Variants in IL26 observed in about 807,000 individuals in gnomAD.
The protein encoded by IL26 is interleukin-26.
A neutral mutation model predicts 21.7 loss-of-function variants in IL26; 23 were observed. The ratio of observed to expected loss-of-function variants is 1.06; its 90% CI spans 0.76 to 1.50. The LOEUF is 1.50. Ranked by LOEUF, IL26 falls within the 40% of genes most tolerant of loss-of-function variation. IL26 has a pLI of 0.00. For missense variants in IL26, 204 were observed against 196.0 expected (o/e 1.04, Z -0.24); for synonymous variants, 63 against 67.8 (o/e 0.93, Z 0.34).
intron 3 of IL26, among the ~76,000 whole-genome samples, chr12:68,214,884 GTTT>G (rs35904332): frequency 7.8e-4 from 112 of 144,410 alleles, no homozygotes; most frequent in African/African-American, 1.4e-3. Flanking sequence ...CCTGTTTTAT[GTTT>G]TTTTTTTTTT....
rs6144754 is a variant in IL26, at chr12:68,204,141, A to ATTTTTTTTTTTTTTTTTTT, written c.364-2077_364-2059dup. Among the ~76,000 whole-genome samples the ATTTTTTTTTTTTTTTTTTT allele has an allele frequency of 1.3e-3, 148 of 113,184 alleles. 4 individuals are homozygous for ATTTTTTTTTTTTTTTTTTT. The highest frequency in any genetic ancestry group is 4.5e-3 in the African/African-American group (130 of 28,830). The allele number at this position is 113,184 out of a possible 152,430, so 74.3% of individuals were successfully genotyped here. A position where few individuals can be genotyped will look rare whatever the true frequency, so the allele number is the denominator to read the frequency against. ...TAAAATCATGTGTTAGGATTCAAAG[A>ATTTTTTTTTTTTTTTTTTT]TTTTTTTTTTTTTTTTTTTTGAGGC... On this transcript the variant is annotated intron_variant, in intron 3 of 4. Transcript: ENST00000229134.
chr12:68,216,470 C>T (rs1868883063), intron 3 of IL26, among the ~76,000 whole-genome samples: 1 of 152,160 alleles, frequency 6.6e-6, no homozygotes, highest in South Asian at 2.1e-4. Flanking sequence ...GAAGCACTAA[C>T]AATTCTGCAG....
intron 3 of IL26, among the ~76,000 whole-genome samples, chr12:68,219,434 A>C (rs973239171): frequency 6.6e-6 from 1 of 151,912 alleles, no homozygotes; most frequent in African/African-American, 2.4e-5. Flanking sequence ...AATAACCCAT[A>C]TATAAAAGAA....
rs1242819751 is a variant in IL26, at chr12:68,202,017, C to A, written c.429+1G>T. 1 of 1,565,604 alleles carries A rather than the reference C, an allele frequency of 6.4e-7. No homozygotes were observed. The highest frequency in any genetic ancestry group is 8.7e-7 in the Non-Finnish European group (1 of 1,149,154). Reference sequence around the variant, plus strand: ...TTAATATAAGGATTTAGAATTCTTACCCTATAAAATATTCTTTTCATCCTG... The same window carrying A: ...TTAATATAAGGATTTAGAATTCTTAACCTATAAAATATTCTTTTCATCCTG... On this transcript the variant is annotated splice_donor_variant, in intron 4 of 4. Transcript: ENST00000229134. LOFTEE classifies it high-confidence loss of function.
chr12:68,206,908 G>T (rs1868559668), intron 3 of IL26, among the ~76,000 whole-genome samples: 1 of 152,138 alleles, frequency 6.6e-6, no homozygotes, highest in South Asian at 2.1e-4. Flanking sequence ...TAAGCCAAAT[G>T]TCTTTCTAAA....
At chr12:68,215,263 C>T (rs970960613) in intron 3 of IL26, among the ~76,000 whole-genome samples, 1 of 152,128 alleles carries the variant, frequency 6.6e-6, no homozygotes, top group Non-Finnish European at 1.5e-5. Flanking sequence ...ACCTCAATCC[C>T]ACGTTTTCCA....
intron 3 of IL26, among the ~76,000 whole-genome samples, chr12:68,217,221 A>C (rs1214303811): frequency 1.3e-5 from 2 of 152,224 alleles, no homozygotes; most frequent in African/African-American, 4.8e-5. Flanking sequence ...ATACAGTGGT[A>C]CTGGGAATTC....
chr12:68,225,407 G>A lies in IL26; in HGVS notation c.228+37C>T, dbSNP rs1869213307. ...GCAGGGGGAAATAAACATCAAATAA[G>A]TGGAAATGTAAAAAAGAAGAAGACT... On this transcript the variant is annotated intron_variant, in intron 2 of 4. Coordinates refer to ENST00000229134, the MANE Select transcript of IL26 (RefSeq NM_018402.2). 2.6e-6 allele frequency: 4 copies of A among 1,532,298 alleles called. No individual in the cohort carries two copies. In the East Asian group the frequency reaches 9.1e-5, roughly 35 times the overall value. 94.9% of individuals were successfully genotyped at this position (1,532,298 alleles called of 1,614,324 possible). A position where few individuals can be genotyped will look rare whatever the true frequency, so the allele number is the denominator to read the frequency against.
chr12:68,206,630 A>G (rs1018324336), intron 3 of IL26, among the ~76,000 whole-genome samples: 1 of 152,206 alleles, frequency 6.6e-6, no homozygotes, highest in Admixed American at 6.5e-5. Flanking sequence ...CTTTACAAAT[A>G]AGGGCAGTCC....
rs770587467 is a variant in IL26 at position 68,225,314 on chromosome 12, G to A, written c.229-31C>T. ...AATAAGATACAAGAAATTGCATATG[G>A]TAAATTATGAATCGTTTTTTAATGT... is the stretch of plus-strand genomic sequence containing the variant. On this transcript the variant is annotated intron_variant, in intron 2 of 4. Transcript: ENST00000229134. 3.8e-6 allele frequency: 6 copies of A among 1,592,470 alleles called. No homozygotes were observed. In the South Asian group the frequency reaches 5.7e-5, roughly 15 times the overall value.
chr12:68,205,018 G>A (rs1266136860), intron 3 of IL26, among the ~76,000 whole-genome samples: 1 of 152,174 alleles, frequency 6.6e-6, no homozygotes, highest in African/African-American at 2.4e-5. Context: ...ATGGCTGAAC[G>A]ATTTGACAAA....
chr12:68,212,376 G>T (rs1592897594), intron 3 of IL26, among the ~76,000 whole-genome samples: 1 of 151,858 alleles, frequency 6.6e-6, no homozygotes, highest in East Asian at 1.9e-4. Context: ...GGTCTTTTGT[G>T]GTTCTGTGGT....
chr12:68,225,246 A>C lies in IL26; in HGVS notation c.266T>G (p.Phe89Cys). The change falls in exon 3 of 5, where the codon TTC becomes TGC. Residue 89 changes from phenylalanine to cysteine, a missense_variant. Transcript: ENST00000229134. ...CAGTTGACCAAAAACGTCTTCCATG[A>C]AGAAGGACAGAAGCTGTTCTTGAAA... Reference protein sequence around the residue: ...CQFQEQLLSFFMEDVFGQLQL... With the variant: ...CQFQEQLLSFCMEDVFGQLQL... 13 of 1,613,528 alleles carry C rather than the reference A, an allele frequency of 8.1e-6. 1 individual carries two copies. The highest frequency in any genetic ancestry group is 1.1e-5 in the Non-Finnish European group (13 of 1,179,768).
intron 3 of IL26, among the ~76,000 whole-genome samples, chr12:68,214,444 T>C (rs1868816554): frequency 1.3e-5 from 2 of 152,364 alleles, no homozygotes; most frequent in Middle Eastern, 3.4e-3. Context: ...TGAAGTCCTC[T>C]GCTATTATTG....
intron 3 of IL26, among the ~76,000 whole-genome samples, chr12:68,215,565 G>A (rs1014888987): frequency 6.6e-6 from 1 of 152,124 alleles, no homozygotes; most frequent in African/African-American, 2.4e-5. Context: ...TTTTGACAGA[G>A]AAATTATGTA....
chr12:68,225,544 A>G (rs751667787), intron 1 of IL26, 42 bp downstream of exon 1: 36 of 1,608,480 alleles, frequency 2.2e-5, no homozygotes, highest in Non-Finnish European at 3.1e-5. Context: ...AAGATTGTAA[A>G]TGTCCTTGAG....
At chr12:68,218,317 T>A (rs1868948989) in intron 3 of IL26, among the ~76,000 whole-genome samples, 1 of 152,098 alleles carries the variant, frequency 6.6e-6, no homozygotes, top group Non-Finnish European at 1.5e-5. Context: ...TAAAAGTTGC[T>A]ATAACTCTAT....
intron 3 of IL26, among the ~76,000 whole-genome samples, chr12:68,206,965 C>A (rs537970963): frequency 6.6e-6 from 1 of 152,220 alleles, no homozygotes; most frequent in African/African-American, 2.4e-5. Flanking sequence ...AGCTGTAGAT[C>A]CTTCATCTTT....
At position 68,224,047 on chromosome 12, in the gene IL26, C is replaced by CG. The variant is rs371163588; in HGVS notation, c.363+1101_363+1102insC. ...ACTCTTAAAAAATAAACACCCCCCC[C>CG]CTCTAATGGCCCAGTGTTTAAGTCT... On this transcript the variant is annotated intron_variant, in intron 3 of 4. Coordinates refer to ENST00000229134, the MANE Select transcript of IL26 (RefSeq NM_018402.2). Among the ~76,000 whole-genome samples the CG allele has an allele frequency of 4.0e-5, 6 of 151,074 alleles. No individual in the cohort carries two copies. In the East Asian group the frequency reaches 7.7e-4, roughly 19 times the overall value.
Sources: allele counts gnomAD v4.1 joint callset (sites outside exome capture counted in the v4.1 genomes callset), GRCh38; gene constraint gnomAD v4.1.1; transcripts MANE v1.5; gene names NCBI Gene and HGNC (gene_info 2026-07-23, HGNC 2026-07-21).